The following ACACA variants were observed in gnomAD, a reference collection of about 807,000 sequenced individuals.
The protein encoded by ACACA is acetyl-CoA carboxylase alpha.
ACACA carries 103 observed loss-of-function variants against 296.1 expected under a neutral mutation model. That is an observed-to-expected ratio of 0.35 (90% confidence interval 0.30 to 0.41). The LOEUF is 0.41. ACACA is among the 10% of genes least tolerant of loss of function. The pLI, the probability that ACACA is intolerant of heterozygous loss-of-function variation, is 1.00. For missense variants in ACACA, 1,554 were observed against 2,989.7 expected (o/e 0.52, Z 11.20); for synonymous variants, 953 against 1,038.6 (o/e 0.92, Z 1.58).
chr17:37,186,151 C>T (rs528006938), intron 39 of ACACA, among the ~76,000 whole-genome samples: 30 of 150,624 alleles, frequency 2.0e-4, no homozygotes, highest in Non-Finnish European at 3.1e-4. Flanking sequence ...CTATAATGAA[C>T]GCAGTAACTA....
At chr17:37,390,330 A>ATATCTATATCTATATCTATATC (rs1555672373) in intron 1 of ACACA, among the ~76,000 whole-genome samples, 2 of 41,582 alleles carry the variant, frequency 4.8e-5, no homozygotes, top group Admixed American at 5.0e-4. Context: ...ATATATATAT[A>ATATCTATATCTATATCTATATC]TATAAAAGGC....
intron 39 of ACACA, among the ~76,000 whole-genome samples, chr17:37,185,092 C>T (rs571958209): frequency 1.3e-5 from 2 of 152,218 alleles, no homozygotes; most frequent in African/African-American, 2.4e-5. Flanking sequence ...ACTGCAAAGG[C>T]GAATAAGAGA....
At chr17:37,114,065 C>T (rs1216461850) in intron 50 of ACACA, among the ~76,000 whole-genome samples, 2 of 152,126 alleles carry the variant, frequency 1.3e-5, no homozygotes, top group East Asian at 1.9e-4. Flanking sequence ...TGCATGCCTG[C>T]AGTCCCAGTC....
intron 1 of ACACA, among the ~76,000 whole-genome samples, chr17:37,382,296 G>C (rs12601443): frequency 0.049 from 7,376 of 151,920 alleles, 264 homozygotes; most frequent in East Asian, 0.17. Flanking sequence ...CTTAACCTCA[G>C]CCTGAAGTTT....
intron 35 of ACACA, among the ~76,000 whole-genome samples, chr17:37,196,822 TTC>T (rs1008113811): frequency 1.3e-5 from 2 of 152,170 alleles, no homozygotes; most frequent in Non-Finnish European, 2.9e-5. Context: ...TTGATCTTTT[TTC>T]TTTTTTTTAA....
chr17:37,264,291 T>A (rs1345283140), intron 10 of ACACA, among the ~76,000 whole-genome samples: 2 of 152,214 alleles, frequency 1.3e-5, no homozygotes, highest in Admixed American at 1.3e-4. Flanking sequence ...TCATATATGG[T>A]ATTGTTGCAG....
At chr17:37,207,000 T>C (rs3816309) in intron 31 of ACACA, 121 bp from the exon 32 acceptor site, 230,141 of 935,660 alleles carry the variant, frequency 0.25, 33,780 homozygotes, top group African/African-American at 0.53. Flanking sequence ...GTTAATTGAA[T>C]AGAATCACCA....
At chr17:37,181,660 G>T (rs939361139) in intron 39 of ACACA, among the ~76,000 whole-genome samples, 1 of 152,132 alleles carries the variant, frequency 6.6e-6, no homozygotes, top group African/African-American at 2.4e-5. Context: ...AGCACTTTGG[G>T]AGGCCAAGGC....
chr17:37,099,264 CTCT>C (rs1005015588), intron 52 of ACACA, among the ~76,000 whole-genome samples: 1 of 152,144 alleles, frequency 6.6e-6, no homozygotes, highest in Non-Finnish European at 1.5e-5. Context: ...CCAACTCTAC[CTCT>C]TTTTTTAAGC....
In ACACA at chr17:37,125,805, G is replaced by C. The variant is rs367655839; in HGVS notation, c.5945-11C>G. The C allele has an allele frequency of 3.3e-5, 53 of 1,601,152 alleles. No homozygotes were observed. The highest frequency in any genetic ancestry group is 4.4e-5 in the Non-Finnish European group (52 of 1,168,812). On this transcript the variant is annotated splice_polypyrimidine_tract_variant and intron_variant, in intron 47 of 55. Transcript: ENST00000616317. ...ACTGACCTTTTTGGGCTACAGAAGGGAAAGAAAGAAAACAGAGAATAAGGA... is the reference window on the plus strand; with the variant it reads ...ACTGACCTTTTTGGGCTACAGAAGGCAAAGAAAGAAAACAGAGAATAAGGA...
chr17:37,092,663 GA>G (rs2072727713), intron 54 of ACACA, among the ~76,000 whole-genome samples: 1 of 152,110 alleles, frequency 6.6e-6, no homozygotes, highest in Non-Finnish European at 1.5e-5. Flanking sequence ...GCCAAGGAGT[GA>G]CCAGGGCACA....
At position 37,390,304 on chromosome 17, in the gene ACACA, T is replaced by TTTTATA. The variant is rs1201500381; in HGVS notation, c.38+15957_38+15958insTATAAA. On this transcript the variant is annotated intron_variant, in intron 1 of 55. Coordinates refer to ENST00000616317, the MANE Select transcript of ACACA (RefSeq NM_198834.3). Reference sequence around the variant, plus strand: ...ATATATAATTATATATTATACATAATTATATATATATATATATATATATAT... The same window carrying TTTTATA: ...ATATATAATTATATATTATACATAATTTTATATATATATATATATATATATATATAT... 4.5e-4 allele frequency among the ~76,000 whole-genome samples: 8 copies of TTTTATA among 17,976 alleles called. 1 individual carries two copies. The highest frequency in any genetic ancestry group is 3.1e-3 in the African/African-American group (8 of 2,620). 11.8% of individuals were successfully genotyped at this position (17,976 alleles called of 152,430 possible).
rs1454713302 is a variant in ACACA at position 37,317,063 on chromosome 17, C to T, written c.338+13110G>A. Among the ~76,000 whole-genome samples the T allele has an allele frequency of 3.5e-5, 5 of 141,968 alleles. No homozygotes were observed. The Admixed American group carries it at 3.6e-4, about 10-fold the overall frequency. The allele number at this position is 141,968 out of a possible 152,430, so 93.1% of individuals were successfully genotyped here. On this transcript the variant is annotated intron_variant, in intron 3 of 55. Transcript: ENST00000616317. ...TACTCCAGCCTGGGTGACAGAGACC[C>T]TGTCACAGAAAAAAAAAAAAAAGAA...
chr17:37,175,733 A>G (rs927343794), intron 41 of ACACA, among the ~76,000 whole-genome samples: 4 of 152,216 alleles, frequency 2.6e-5, no homozygotes, highest in African/African-American at 9.6e-5. Context: ...TTTAGTCTAC[A>G]TCTTTTTTAT....
chr17:37,128,024 C>CAAAAAAAAAAAAA (rs1173864454), intron 47 of ACACA, among the ~76,000 whole-genome samples: 3 of 39,714 alleles, frequency 7.6e-5, no homozygotes, highest in Non-Finnish European at 1.4e-4. Context: ...AACTCCATCT[C>CAAAAAAAAAAAAA]AAAAAAAAAA....
chr17:37,257,905 C>A, intron 13 of ACACA, 39 bp from the exon 14 acceptor site: 1 of 1,605,796 alleles, frequency 6.2e-7, no homozygotes, highest in Non-Finnish European at 8.5e-7. Context: ...TATTATGTTT[C>A]GAAGGAAGAG....
intron 45 of ACACA, among the ~76,000 whole-genome samples, chr17:37,130,997 C>T (rs953954222): frequency 5.3e-5 from 8 of 151,854 alleles, no homozygotes; most frequent in South Asian, 2.1e-4. Flanking sequence ...CTGGCCTCCA[C>T]GCACAAGCCC....
At chr17:37,151,895 C>T (rs1322970519) in intron 43 of ACACA, among the ~76,000 whole-genome samples, 2 of 151,944 alleles carry the variant, frequency 1.3e-5, no homozygotes, top group African/African-American at 4.8e-5. Flanking sequence ...CTCCTGAGCA[C>T]GTGATCCGCC....
Position 37,347,767 on chromosome 17 carries a change from A to AG in ACACA, c.39-7918dup, listed in dbSNP as rs1330445316. Among the ~76,000 whole-genome samples the AG allele has an allele frequency of 6.1e-5, 9 of 148,754 alleles. No homozygotes were observed. In the East Asian group the frequency reaches 1.7e-3, roughly 29 times the overall value. ...ACGTAAAAAAAAAAAAAAGAAAGAA[A>AG]GAAAAAAAATTTTTTAACAAGAAAG... On this transcript the variant is annotated intron_variant, in intron 1 of 55. Coordinates refer to ENST00000616317, the MANE Select transcript of ACACA (RefSeq NM_198834.3).
Sources: gnomAD v4.1 joint callset for allele counts (sites outside exome capture counted in the v4.1 genomes callset) on GRCh38, gnomAD v4.1.1 for gene constraint, MANE v1.5 for transcripts, NCBI Gene and HGNC (gene_info 2026-07-23, HGNC 2026-07-21) for gene names.